The following PIAS1 variants were observed in gnomAD, a reference collection of about 807,000 sequenced individuals.
PIAS1 encodes protein inhibitor of activated STAT 1.
In PIAS1, 6 loss-of-function variants were observed where a neutral mutation model predicts 71.3. That is an observed-to-expected ratio of 0.08 (90% CI 0.05 to 0.17). PIAS1 has a LOEUF of 0.17. Ranked by LOEUF, PIAS1 falls within the 10% of genes least tolerant of loss-of-function variation. The pLI is 1.00. For missense variants in PIAS1, 555 were observed against 793.6 expected (o/e 0.70, Z 3.61); for synonymous variants, 303 against 292.9 (o/e 1.03, Z -0.35).
In PIAS1 at chr15:68,091,608, A is replaced by G. The variant is rs546596759; in HGVS notation, c.469+4858A>G. On this transcript the variant is annotated intron_variant, in intron 2 of 13. Coordinates refer to ENST00000249636, the MANE Select transcript of PIAS1 (RefSeq NM_016166.3). ...ACATGTATAGAACAGAGAGCTTTGC[A>G]TTCATTTGGACTACAGATACTCCTC... 2.6e-4 allele frequency among the ~76,000 whole-genome samples: 39 copies of G among 152,338 alleles called. No homozygotes were observed. In the South Asian group the frequency reaches 4.3e-3, roughly 17 times the overall value.
intron 10 of PIAS1, 29 bp downstream of exon 10, chr15:68,175,796 G>A: frequency 6.4e-7 from 1 of 1,562,542 alleles, no homozygotes; most frequent in East Asian, 2.3e-5. Context: ...GGAAGAGGCA[G>A]TCTCCCTACT....
At chr15:68,179,509 G>T (rs1003546832) in intron 11 of PIAS1, among the ~76,000 whole-genome samples, 1 of 146,142 alleles carries the variant, frequency 6.8e-6, no homozygotes, top group African/African-American at 2.5e-5. Flanking sequence ...GTGGTAGATG[G>T]TCATAACTGG....
At position 68,176,419 on chromosome 15, in the gene PIAS1, A is replaced by G. The variant is rs1389912202; in HGVS notation, c.1301-55A>G. On this transcript the variant is annotated intron_variant, in intron 10 of 13. Transcript: ENST00000249636. ...CTGATAAACTGTAGTGACACTGAGAAAAGAGAGATGTCATAGCTCTTCCCT... is the reference window on the plus strand; with the variant it reads ...CTGATAAACTGTAGTGACACTGAGAGAAGAGAGATGTCATAGCTCTTCCCT... 1.7e-5 allele frequency: 20 copies of G among 1,197,506 alleles called. No homozygotes were observed. The Admixed American group carries it at 4.9e-4, about 29-fold the overall frequency. The allele number at this position is 1,197,506 out of a possible 1,614,324, so 74.2% of individuals were successfully genotyped here.
At chr15:68,055,955 T>C in intron 1 of PIAS1, 1 of 698,352 alleles carries the variant, frequency 1.4e-6, no homozygotes, top group East Asian at 2.7e-5. Context: ...GTACTTCTAA[T>C]TACAAATTTA....
intron 8 of PIAS1, among the ~76,000 whole-genome samples, chr15:68,165,776 T>A (rs1216616182): frequency 6.6e-6 from 1 of 152,122 alleles, no homozygotes; most frequent in Non-Finnish European, 1.5e-5. Context: ...ATGTGAAAAA[T>A]TTAATAATTA....
rs1447011418 is a variant in PIAS1, at chr15:68,175,618, A to T, written c.1170-19A>T. On this transcript the variant is annotated intron_variant, in intron 9 of 13. Transcript: ENST00000249636. Reference sequence around the variant, plus strand: ...TGTTCATTTAAAATATATTCTAAGGATGAATTGTTTTCTTATAGCTTGTTT... The same window carrying T: ...TGTTCATTTAAAATATATTCTAAGGTTGAATTGTTTTCTTATAGCTTGTTT... 7.4e-7 allele frequency: 1 copy of T among 1,344,750 alleles called. No homozygotes were observed. Among genetic ancestry groups the T allele is most frequent in the East Asian group, 2.7e-5 (1 of 37,518 alleles). The allele number at this position is 1,344,750 out of a possible 1,614,324, so 83.3% of individuals were successfully genotyped here.
rs959068014 is a variant in PIAS1 at position 68,054,489 on chromosome 15, C to T, written c.24+139C>T. ...CTGGAGTTGTAGGGAGAGAGGCGCG[C>T]CCGGTCTCAGCAGAGGGGGCCCGCC... On this transcript the variant is annotated intron_variant, in intron 1 of 13. Transcript: ENST00000249636. This position sits in a 1 kb window ranked among gnomAD's most constrained non-coding sequence, Gnocchi z 4.6. The T allele has an allele frequency of 6.7e-6, 6 of 894,718 alleles. No individual in the cohort carries two copies. Among genetic ancestry groups the T allele is most frequent in the African/African-American group, 1.8e-5 (1 of 56,954 alleles). 55.4% of individuals were successfully genotyped at this position (894,718 alleles called of 1,614,324 possible).
intron 1 of PIAS1, among the ~76,000 whole-genome samples, chr15:68,065,588 GAAAAAAAAA>G (rs572054813): frequency 1.7e-5 from 2 of 117,624 alleles, no homozygotes; most frequent in Admixed American, 9.2e-5. Context: ...CCTGTCTCGA[GAAAAAAAAA>G]AAAAAAGAAA....
chr15:68,101,583 C>G (rs188673536), intron 2 of PIAS1, among the ~76,000 whole-genome samples: 231 of 152,280 alleles, frequency 1.5e-3, no homozygotes, highest in African/African-American at 5.2e-3. Context: ...GCCCTCCTGC[C>G]TCAGCCTCCT....
chr15:68,158,518 C>T (rs565541216), intron 7 of PIAS1, among the ~76,000 whole-genome samples: 158 of 152,192 alleles, frequency 1.0e-3, no homozygotes, highest in African/African-American at 3.7e-3. Context: ...TCTCACTGAA[C>T]ATCTTTACCC....
intron 8 of PIAS1, among the ~76,000 whole-genome samples, chr15:68,170,515 G>A (rs1301963220): frequency 1.3e-5 from 2 of 152,218 alleles, no homozygotes; most frequent in Non-Finnish European, 2.9e-5. Flanking sequence ...AAATAAGTCA[G>A]TGAGTGGTGA....
chr15:68,099,338 A>G (rs988009078), intron 2 of PIAS1, among the ~76,000 whole-genome samples: 28 of 139,684 alleles, frequency 2.0e-4, no homozygotes, highest in African/African-American at 6.1e-4. Context: ...ACCCTTTTTT[A>G]TAGACTTAAG....
intron 2 of PIAS1, among the ~76,000 whole-genome samples, chr15:68,124,999 T>C (rs2092640619): frequency 6.6e-6 from 1 of 152,242 alleles, no homozygotes; most frequent in African/African-American, 2.4e-5. Flanking sequence ...ATAATCTGTT[T>C]GTCGCCCTGT....
Position 68,146,559 on chromosome 15 carries a change from T to C in PIAS1, c.694-7T>C. 6.2e-7 allele frequency: 1 copy of C among 1,607,888 alleles called. No homozygotes were observed. Among genetic ancestry groups the C allele is most frequent in the South Asian group, 1.1e-5 (1 of 90,634 alleles). ...ATAAGTATAAATAAATTACATTTCA[T>C]TTTTAGGGTTACCTTCCACCTACAA... On this transcript the variant is annotated splice_region_variant and splice_polypyrimidine_tract_variant and intron_variant, in intron 5 of 13. Coordinates refer to ENST00000249636, the MANE Select transcript of PIAS1 (RefSeq NM_016166.3).
intron 13 of PIAS1, chr15:68,184,057 C>T (rs1462265001): frequency 6.4e-6 from 1 of 155,846 alleles, no homozygotes; most frequent in East Asian, 1.9e-4. Context: ...TCCAGGACAG[C>T]CTCATACATC....
At chr15:68,152,376 C>T (rs761437627) in intron 6 of PIAS1, among the ~76,000 whole-genome samples, 3 of 152,048 alleles carry the variant, frequency 2.0e-5, no homozygotes, top group Admixed American at 6.6e-5. Context: ...GATAGCTTTC[C>T]GAACTTTAAA....
intron 7 of PIAS1, among the ~76,000 whole-genome samples, chr15:68,156,367 A>G (rs992988796): frequency 6.6e-6 from 1 of 152,168 alleles, no homozygotes; most frequent in African/African-American, 2.4e-5. Context: ...CAAGATGGGA[A>G]CAGAGTATGC....
At chr15:68,091,895 G>A (rs1317219106) in intron 2 of PIAS1, among the ~76,000 whole-genome samples, 2 of 152,146 alleles carry the variant, frequency 1.3e-5, no homozygotes, top group East Asian at 3.9e-4. Flanking sequence ...GTAGGTACTC[G>A]AAGTAATTTC....
chr15:68,113,403 A>G (rs548454459), intron 2 of PIAS1, among the ~76,000 whole-genome samples: 6 of 152,314 alleles, frequency 3.9e-5, no homozygotes, highest in African/African-American at 1.4e-4. Flanking sequence ...TAGTCTGCTT[A>G]CTTTTTCTGG....
Sources: allele counts gnomAD v4.1 joint callset (sites outside exome capture counted in the v4.1 genomes callset), GRCh38; gene constraint gnomAD v4.1.1; non-coding constraint Gnocchi (gnomAD v3.1); transcripts MANE v1.5; gene names NCBI Gene and HGNC (gene_info 2026-07-23, HGNC 2026-07-21).